DLEU7: variants seen among roughly 807,000 people sequenced by gnomAD.
DLEU7 encodes the protein deleted in lymphocytic leukemia 7.
In DLEU7, 17 loss-of-function variants were observed where a neutral mutation model predicts 16.0. The observed-to-expected ratio is 1.06, with a 90% CI of 0.73 to 1.59. The LOEUF (loss-of-function observed/expected upper bound fraction) is 1.59, where lower values mean the gene tolerates loss of function less well. Ranked by LOEUF, DLEU7 falls within the 40% of genes most tolerant of loss-of-function variation. The pLI, the probability that DLEU7 is intolerant of heterozygous loss-of-function variation, is 0.00. For synonymous variants in DLEU7, 113 were observed against 139.8 expected (o/e 0.81, Z 1.35); for missense variants, 308 against 314.9 (o/e 0.98, Z 0.17).
In DLEU7 at chr13:50,783,774, C is replaced by T. The variant is rs76106758; in HGVS notation, c.459+59414G>A. On this transcript the variant is annotated intron_variant, in intron 1 of 1. Transcript: ENST00000400393. ...GTACTGGTGAGCTGAGGTGAGTCCTCTGAAATTTACTCCAGCAACAGACAC... is the reference window on the plus strand; with the variant it reads ...GTACTGGTGAGCTGAGGTGAGTCCTTTGAAATTTACTCCAGCAACAGACAC... Among the ~76,000 whole-genome samples, 373 of 152,170 alleles carry T rather than the reference C, an allele frequency of 2.5e-3. 2 individuals carry two copies. Among genetic ancestry groups the T allele is most frequent in the African/African-American group, 8.5e-3 (352 of 41,444 alleles).
At chr13:50,753,961 T>C (rs1030992212) in intron 1 of DLEU7, among the ~76,000 whole-genome samples, 6 of 152,270 alleles carry the variant, frequency 3.9e-5, no homozygotes, top group Non-Finnish European at 8.8e-5. Flanking sequence ...GGTTATTTAA[T>C]TTCCATGTAT....
At chr13:50,799,537 A>G (rs1876192897) in intron 1 of DLEU7, among the ~76,000 whole-genome samples, 1 of 152,206 alleles carries the variant, frequency 6.6e-6, no homozygotes, top group Admixed American at 6.5e-5. Context: ...TTGACATTGT[A>G]GTTTAGATTC....
chr13:50,816,851 G>A (rs74078454), intron 1 of DLEU7, among the ~76,000 whole-genome samples: 1 of 151,962 alleles, frequency 6.6e-6, no homozygotes. Flanking sequence ...ATCAGGCTTA[G>A]TGTACCTCTT....
At chr13:50,824,927 T>A (rs544670593) in intron 1 of DLEU7, among the ~76,000 whole-genome samples, 2 of 152,310 alleles carry the variant, frequency 1.3e-5, no homozygotes, top group African/African-American at 4.8e-5. Context: ...ACTCTAAGAA[T>A]TTAAAATAGA....
chr13:50,713,282 A>T (rs1208246537), intron 1 of DLEU7: 1 of 1,587,472 alleles, frequency 6.3e-7, no homozygotes, highest in Non-Finnish European at 8.6e-7. Flanking sequence ...CTTGCTTTGC[A>T]TTTTTTATAT....
downstream of DLEU7, among the ~76,000 whole-genome samples, chr13:50,818,342 T>C (rs1039368061): frequency 7.2e-5 from 11 of 152,284 alleles, no homozygotes; most frequent in African/African-American, 2.6e-4. Context: ...TAATCATTTA[T>C]TGAGTGATTG....
chr13:50,740,622 TTATCGC>T (rs1038188032), intron 1 of DLEU7, among the ~76,000 whole-genome samples: 27 of 152,164 alleles, frequency 1.8e-4, no homozygotes, highest in Non-Finnish European at 8.8e-5. Context: ...CCAAGCCTTT[TTATCGC>T]TAATCTCTGA....
At chr13:50,785,391 G>A (rs1875771238) in intron 1 of DLEU7, among the ~76,000 whole-genome samples, 2 of 152,164 alleles carry the variant, frequency 1.3e-5, no homozygotes, top group Admixed American at 6.5e-5. Flanking sequence ...AGTACCTGGG[G>A]AGTACAGAAC....
chr13:50,724,516 CAA>C (rs530553640), intron 1 of DLEU7, among the ~76,000 whole-genome samples: 2 of 147,964 alleles, frequency 1.4e-5, no homozygotes, highest in African/African-American at 5.0e-5. Flanking sequence ...ATCTGGCAGG[CAA>C]AAAAAAAGCA....
At chr13:50,783,891 T>C (rs931406144) in intron 1 of DLEU7, among the ~76,000 whole-genome samples, 21 of 152,040 alleles carry the variant, frequency 1.4e-4, no homozygotes, top group African/African-American at 5.1e-4. Context: ...GGAACACATA[T>C]AGAGATATGG....
At chr13:50,756,124 G>C (rs1010702351) in intron 1 of DLEU7, among the ~76,000 whole-genome samples, 1 of 152,168 alleles carries the variant, frequency 6.6e-6, no homozygotes, top group Admixed American at 6.5e-5. Flanking sequence ...GTTGCAGGGG[G>C]GTGAAATGGA....
rs188373806 is a variant in DLEU7 at position 50,728,481 on chromosome 13, G to A, written c.460-15241C>T. Among the ~76,000 whole-genome samples, 4 of 152,106 alleles carry A rather than the reference G, an allele frequency of 2.6e-5. No homozygotes were observed. The East Asian group carries it at 5.8e-4, about 22-fold the overall frequency. ...TTTTCAAAAGCTTTAATAAGTGAAC[G>A]TACATTATAGATCTCCAAGAAGGAC... On this transcript the variant is annotated intron_variant, in intron 1 of 1. Coordinates refer to the DLEU7 transcript ENST00000400393.
chr13:50,825,661 G>T (rs1227540345), intron 1 of DLEU7, among the ~76,000 whole-genome samples: 2 of 152,112 alleles, frequency 1.3e-5, no homozygotes, highest in South Asian at 4.1e-4. Context: ...CTTCGATAAG[G>T]CCTTCTTATT....
rs912064735 is a variant in DLEU7, at chr13:50,802,583, G to T, written c.459+40605C>A. ...AAAATTGAATAAAATTTTCTCCATG[G>T]TTGTTCTTGTTTCAATGCCCTCAAA... is the stretch of plus-strand genomic sequence containing the variant. On this transcript the variant is annotated intron_variant, in intron 1 of 1. Coordinates refer to the DLEU7 transcript ENST00000400393. 2.0e-5 allele frequency among the ~76,000 whole-genome samples: 3 copies of T among 152,066 alleles called. 1 individual carries two copies. Among genetic ancestry groups the T allele is most frequent in the African/African-American group, 7.2e-5 (3 of 41,412 alleles).
At chr13:50,722,102 A>G (rs750078375) in intron 1 of DLEU7, among the ~76,000 whole-genome samples, 2 of 152,188 alleles carry the variant, frequency 1.3e-5, no homozygotes, top group African/African-American at 4.8e-5. Context: ...TCACTCATCT[A>G]TATAAAGAAG....
At chr13:50,768,794 A>G (rs1320754044) in intron 1 of DLEU7, among the ~76,000 whole-genome samples, 1 of 152,234 alleles carries the variant, frequency 6.6e-6, no homozygotes, top group Non-Finnish European at 1.5e-5. Context: ...CTTTGGGTAT[A>G]TACCCAGTAA....
intron 1 of DLEU7, among the ~76,000 whole-genome samples, chr13:50,743,838 A>G (rs1045765250): frequency 3.9e-5 from 6 of 152,212 alleles, no homozygotes; most frequent in Admixed American, 3.9e-4. Flanking sequence ...ACAAAAATCA[A>G]TAAAGTTTCC....
chr13:50,731,718 C>G (rs750079858), intron 1 of DLEU7, among the ~76,000 whole-genome samples: 7 of 152,194 alleles, frequency 4.6e-5, no homozygotes, highest in Non-Finnish European at 8.8e-5. Flanking sequence ...GAAAGGGAGG[C>G]TGTTTGTCTT....
At chr13:50,817,724 G>C (rs1167926261) in intron 1 of DLEU7, among the ~76,000 whole-genome samples, 2 of 152,124 alleles carry the variant, frequency 1.3e-5, no homozygotes, top group East Asian at 1.9e-4. Context: ...CAAGTGTCCA[G>C]ATGGCTTCCT....
Sources: allele counts gnomAD v4.1 joint callset (sites outside exome capture counted in the v4.1 genomes callset), GRCh38; gene constraint gnomAD v4.1.1; transcripts MANE v1.5; gene names NCBI Gene and HGNC (gene_info 2026-07-23, HGNC 2026-07-21).